Variants in PPP1R12A observed in about 807,000 individuals in gnomAD.
PPP1R12A encodes protein phosphatase 1 regulatory subunit 12A, also known as myosin binding subunit.
A neutral mutation model predicts 139.6 loss-of-function variants in PPP1R12A; 19 were observed. The observed-to-expected ratio is 0.14, with a 90% CI of 0.09 to 0.20. PPP1R12A has a LOEUF of 0.20. PPP1R12A is among the 10% of genes least tolerant of loss of function. The pLI is 1.00. For missense variants in PPP1R12A, 925 were observed against 1,211.5 expected (o/e 0.76, Z 3.51); for synonymous variants, 427 against 420.6 (o/e 1.02, Z -0.19).
chr12:79,884,062 G>A (rs904897561), intron 1 of PPP1R12A, among the ~76,000 whole-genome samples: 5 of 152,112 alleles, frequency 3.3e-5, no homozygotes, highest in East Asian at 3.9e-4. Flanking sequence ...TGAAAAACAG[G>A]TCTGGTATAT....
intron 1 of PPP1R12A, among the ~76,000 whole-genome samples, chr12:79,907,290 T>C (rs974064462): frequency 2.0e-5 from 3 of 152,174 alleles, no homozygotes; most frequent in African/African-American, 7.2e-5. Context: ...GCTCATGATT[T>C]CAATTTACAA....
At chr12:79,839,100 C>T (rs752071133) in intron 3 of PPP1R12A, among the ~76,000 whole-genome samples, 1 of 152,174 alleles carries the variant, frequency 6.6e-6, no homozygotes, top group Non-Finnish European at 1.5e-5. Flanking sequence ...CCACCTCTTA[C>T]ATCAGCATGA....
intron 24 of PPP1R12A, chr12:79,778,213 GAATA>G (rs149338706): frequency 0.093 from 15,209 of 163,202 alleles, 1,884 homozygotes; most frequent in African/African-American, 0.3. Context: ...GAAACATAAA[GAATA>G]AATAATAAAT....
At chr12:79,891,478 C>T (rs922392562) in intron 1 of PPP1R12A, among the ~76,000 whole-genome samples, 2 of 152,172 alleles carry the variant, frequency 1.3e-5, no homozygotes, top group African/African-American at 4.8e-5. Context: ...GCTCTTAAGG[C>T]ATAATAAATA....
At chr12:79,866,009 A>C (rs550707590) in intron 2 of PPP1R12A, among the ~76,000 whole-genome samples, 1 of 152,354 alleles carries the variant, frequency 6.6e-6, no homozygotes, top group South Asian at 2.1e-4. Context: ...CGGCATAGCC[A>C]AGACAATCCT....
chr12:79,893,140 T>TAG (rs1323837084), intron 1 of PPP1R12A, among the ~76,000 whole-genome samples: 2 of 152,012 alleles, frequency 1.3e-5, no homozygotes, highest in Non-Finnish European at 1.5e-5. Context: ...TACAGTAATT[T>TAG]AGGACTTTTA....
At chr12:79,895,309 T>A (rs1885032503) in intron 1 of PPP1R12A, among the ~76,000 whole-genome samples, 1 of 152,120 alleles carries the variant, frequency 6.6e-6, no homozygotes, top group South Asian at 2.1e-4. Context: ...CTGCAGATAA[T>A]TTCAGGGTTC....
intron 1 of PPP1R12A, among the ~76,000 whole-genome samples, chr12:79,883,301 T>A (rs1471848512): frequency 2.6e-5 from 4 of 152,150 alleles, no homozygotes; most frequent in African/African-American, 7.2e-5. Context: ...AATGCTACAT[T>A]ACATTTAATA....
intron 1 of PPP1R12A, among the ~76,000 whole-genome samples, chr12:79,903,864 C>T (rs1438088341): frequency 6.6e-6 from 1 of 152,054 alleles, no homozygotes; most frequent in Non-Finnish European, 1.5e-5. Context: ...TCTAGCTGAC[C>T]CATTTTTCCC....
intron 1 of PPP1R12A, among the ~76,000 whole-genome samples, chr12:79,899,686 T>C (rs1337593175): frequency 6.6e-6 from 1 of 152,194 alleles, no homozygotes; most frequent in Non-Finnish European, 1.5e-5. Context: ...GAAGTTGCTA[T>C]GAATAAGTCT....
At position 79,852,393 on chromosome 12, in the gene PPP1R12A, G is replaced by A. The variant is rs147454085; in HGVS notation, c.369-6973C>T. Among the ~76,000 whole-genome samples the A allele has an allele frequency of 2.1e-3, 316 of 151,384 alleles. 4 individuals are homozygous for A. Among genetic ancestry groups the A allele is most frequent in the Middle Eastern group, 0.02 (6 of 294 alleles). ...CTTTTTTTGGTAGAGATGAGGTTTCGCCATGTTGCGCAGGCTGGTCTCAAA... is the reference window on the plus strand; with the variant it reads ...CTTTTTTTGGTAGAGATGAGGTTTCACCATGTTGCGCAGGCTGGTCTCAAA... On this transcript the variant is annotated intron_variant, in intron 2 of 24. Coordinates refer to ENST00000450142, the MANE Select transcript of PPP1R12A (RefSeq NM_002480.3).
At chr12:79,777,756 TAAAG>T in intron 24 of PPP1R12A, 1 of 595,408 alleles carries the variant, frequency 1.7e-6, no homozygotes, top group African/African-American at 2.0e-5. Context: ...TATTACGTCT[TAAAG>T]GAACAAGAGA....
chr12:79,899,966 G>T (rs1053417598), intron 1 of PPP1R12A, among the ~76,000 whole-genome samples: 3 of 152,030 alleles, frequency 2.0e-5, no homozygotes, highest in Admixed American at 1.3e-4. Context: ...TACCATTCAT[G>T]TTATTTTGCA....
At chr12:79,893,715 T>C (rs990260377) in intron 1 of PPP1R12A, among the ~76,000 whole-genome samples, 3 of 152,176 alleles carry the variant, frequency 2.0e-5, no homozygotes, top group African/African-American at 7.2e-5. Flanking sequence ...AACAGGCAAA[T>C]AACACTTTCC....
rs191010565 is a variant in PPP1R12A at position 79,793,668 on chromosome 12, C to A, written c.2649+195G>T. The A allele has an allele frequency of 6.7e-5, 33 of 492,502 alleles. 1 individual carries two copies. The East Asian group carries it at 1.2e-3, about 17-fold the overall frequency. The allele number at this position is 492,502 out of a possible 1,614,324, so 30.5% of individuals were successfully genotyped here. A position where few individuals can be genotyped will look rare whatever the true frequency, so the allele number is the denominator to read the frequency against. ...ATCAAGACTCAGAACATTTTCATCA[C>A]CTCCAAAACATTATTTTGTGACCCT... On this transcript the variant is annotated intron_variant, in intron 19 of 24. Transcript: ENST00000450142.
chr12:79,805,639 A>G lies in PPP1R12A; in HGVS notation c.1953T>C (p.Thr651=). The change falls in exon 14 of 25, where the codon ACT becomes ACC. Residue 651 remains threonine (T), a synonymous_variant. Coordinates refer to ENST00000450142, the MANE Select transcript of PPP1R12A (RefSeq NM_002480.3). ...AAASTTTLTT[T]TAGTVSSTTE... ...TTGTGGAGGAGACAGTGCCAGCAGT[A>G]GTTGTAGTCAGGGTTGTGGTAGAAG... 1 of 1,613,852 alleles carries G rather than the reference A, an allele frequency of 6.2e-7. No individual in the cohort carries two copies. Among genetic ancestry groups the G allele is most frequent in the Non-Finnish European group, 8.5e-7 (1 of 1,179,802 alleles).
intron 1 of PPP1R12A, among the ~76,000 whole-genome samples, chr12:79,915,889 C>T (rs543884426): frequency 2.3e-4 from 35 of 152,086 alleles, no homozygotes; most frequent in South Asian, 1.0e-3. Flanking sequence ...AAATTTTTGT[C>T]ATGTTAACCG....
In PPP1R12A at chr12:79,935,007, G is replaced by T. The variant is rs921343633; in HGVS notation, c.-76C>A. On this transcript the variant is annotated 5_prime_UTR_variant, in exon 1 of 25. Coordinates refer to ENST00000450142, the MANE Select transcript of PPP1R12A (RefSeq NM_002480.3). ...CGGAGAGGGAAGAGAGGGGAGGCAG[G>T]GGGTGTGTGAATGTTTCTATGAGTG... 39 of 1,488,048 alleles carry T rather than the reference G, an allele frequency of 2.6e-5. No homozygotes were observed. In the African/African-American group the frequency reaches 4.9e-4, roughly 19 times the overall value. The allele number at this position is 1,488,048 out of a possible 1,614,324, so 92.2% of individuals were successfully genotyped here.
Position 79,797,235 on chromosome 12 carries a change from T to C in PPP1R12A, c.2252A>G (p.Glu751Gly), listed in dbSNP as rs760267521. The change falls in exon 16 of 25, where the codon GAA becomes GGA. Residue 751 changes from glutamate (E) to glycine (G), a missense_variant. Glu to Gly is a moderately conservative substitution (Grantham distance 98). Coordinates refer to ENST00000450142, the MANE Select transcript of PPP1R12A (RefSeq NM_002480.3). ...EEKKESETSR[E>G]DEYKQKYSRT... Reference sequence around the variant, plus strand: ...GGAGTACTTTTGTTTATATTCATCTTCTCTAGATGTTTCTGACTCCTTCTT... The same window carrying C: ...GGAGTACTTTTGTTTATATTCATCTCCTCTAGATGTTTCTGACTCCTTCTT... 1.3e-6 allele frequency: 2 copies of C among 1,589,608 alleles called. No individual in the cohort carries two copies. The highest frequency in any genetic ancestry group is 3.6e-5 in the Admixed American group (2 of 56,230).
Sources: gnomAD v4.1 joint callset for allele counts (sites outside exome capture counted in the v4.1 genomes callset) on GRCh38, gnomAD v4.1.1 for gene constraint, MANE v1.5 for transcripts, NCBI Gene and HGNC (gene_info 2026-07-23, HGNC 2026-07-21) for gene names.